The following P2RY12 variants were observed in gnomAD, a reference collection of about 807,000 sequenced individuals.
The protein encoded by P2RY12 is purinergic receptor P2Y12, also known as P2Y purinoceptor 12.
Under a neutral mutation model 4.5 loss-of-function variants are expected in P2RY12, and 3 were observed. The ratio of observed to expected loss-of-function variants is 0.67; its 90% CI spans 0.31 to 1.74. The LOEUF (loss-of-function observed/expected upper bound fraction) is 1.74. Ranked by LOEUF, P2RY12 falls within the 40% of genes most tolerant of loss-of-function variation. The probability of loss-of-function intolerance (pLI) is 0.09; values close to 1 mark genes in which losing one functional copy is unlikely to be tolerated. For missense variants in P2RY12, 356 were observed against 407.8 expected, an observed-to-expected ratio of 0.87 and a Z score of 1.09; for synonymous variants, 148 against 154.1, an observed-to-expected ratio of 0.96 and a Z score of 0.29.
chr3:151,349,924 G>A, intron 1 of P2RY12: 1 of 604,966 alleles, frequency 1.7e-6, no homozygotes, highest in Non-Finnish European at 2.7e-6. Context: ...TGGAGGTTGA[G>A]GTGAATTGAA....
intron 1 of P2RY12, chr3:151,350,339 T>C (rs1753066427): frequency 1.4e-5 from 10 of 726,448 alleles, no homozygotes; most frequent in East Asian, 2.9e-5. Flanking sequence ...CATTGAAATG[T>C]GAACAAGCAC....
intron 1 of P2RY12, chr3:151,368,019 G>C (rs1755502173): frequency 2.4e-6 from 2 of 841,854 alleles, no homozygotes; most frequent in East Asian, 5.4e-5. Context: ...AAAATAGCCA[G>C]GGCCTTATTT....
At chr3:151,360,148 T>A (rs1754432686) in intron 1 of P2RY12, among the ~76,000 whole-genome samples, 1 of 152,180 alleles carries the variant, frequency 6.6e-6, no homozygotes, top group Non-Finnish European at 1.5e-5. Context: ...GCAGGGGCTC[T>A]CTACAACAGT....
intron 1 of P2RY12, among the ~76,000 whole-genome samples, chr3:151,349,384 G>A (rs148608127): frequency 1.3e-5 from 2 of 152,250 alleles, no homozygotes; most frequent in Non-Finnish European, 2.9e-5. Flanking sequence ...ACACCTACAC[G>A]CTTTATTGTT....
intron 1 of P2RY12, among the ~76,000 whole-genome samples, chr3:151,347,997 A>G (rs1416753947): frequency 1.3e-5 from 2 of 152,172 alleles, no homozygotes; most frequent in African/African-American, 2.4e-5. Context: ...GGCTCTTTCT[A>G]GGATGCTTTC....
At chr3:151,367,915 A>C (rs530157135) in intron 1 of P2RY12, 1 of 1,005,800 alleles carries the variant, frequency 9.9e-7, no homozygotes, top group Non-Finnish European at 1.5e-6. Context: ...GAATTTTAAT[A>C]GTTATTTTAT....
intron 1 of P2RY12, among the ~76,000 whole-genome samples, chr3:151,363,904 G>A (rs1754946937): frequency 6.6e-6 from 1 of 152,108 alleles, no homozygotes; most frequent in African/African-American, 2.4e-5. Flanking sequence ...TAAAGCTATT[G>A]ACAGTGGCAA....
intron 1 of P2RY12, chr3:151,360,344 T>C (rs1303110327): frequency 9.1e-6 from 7 of 769,846 alleles, no homozygotes; most frequent in Non-Finnish European, 1.3e-5. Context: ...TACTATTCTA[T>C]TTATTAGTTT....
chr3:151,349,743 T>A (rs2150016032), intron 1 of P2RY12, among the ~76,000 whole-genome samples: 1 of 152,268 alleles, frequency 6.6e-6, no homozygotes, highest in African/African-American at 2.4e-5. Flanking sequence ...GATGTGAAAT[T>A]AATACCATGT....
intron 1 of P2RY12, among the ~76,000 whole-genome samples, chr3:151,375,557 AATG>A (rs1292186301): frequency 1.3e-5 from 2 of 152,208 alleles, no homozygotes; most frequent in African/African-American, 4.8e-5. Flanking sequence ...ACTCATTTAT[AATG>A]ATAACATTAT....
At chr3:151,380,112 GTAT>G in intron 1 of P2RY12, 1 of 1,561,314 alleles carries the variant, frequency 6.4e-7, no homozygotes, top group Admixed American at 2.0e-5. Flanking sequence ...TTCCTTTGTA[GTAT>G]GTCTCTTTTG....
intron 1 of P2RY12, among the ~76,000 whole-genome samples, chr3:151,375,406 G>A (rs1269263773): frequency 2.0e-5 from 3 of 152,052 alleles, no homozygotes. Context: ...AAAGGCAATA[G>A]GAGTTTAAAT....
chr3:151,365,200 C>T (rs1300523997), intron 1 of P2RY12: 1 of 1,612,204 alleles, frequency 6.2e-7, no homozygotes. Flanking sequence ...CATCAGGATG[C>T]TGGCAGGTGA....
At chr3:151,370,515 TGA>T (rs1756040701) in intron 1 of P2RY12, among the ~76,000 whole-genome samples, 1 of 152,184 alleles carries the variant, frequency 6.6e-6, no homozygotes, top group African/African-American at 2.4e-5. Context: ...CACGGGCCTG[TGA>T]ATTTTGTAGT....
At chr3:151,370,851 T>G (rs1437915070) in intron 1 of P2RY12, among the ~76,000 whole-genome samples, 1 of 152,200 alleles carries the variant, frequency 6.6e-6, no homozygotes, top group Non-Finnish European at 1.5e-5. Context: ...ATGAGTACCT[T>G]CTAGACACTG....
intron 1 of P2RY12, among the ~76,000 whole-genome samples, chr3:151,362,235 A>G (rs1264894747): frequency 6.6e-6 from 1 of 152,006 alleles, no homozygotes; most frequent in Non-Finnish European, 1.5e-5. Flanking sequence ...CATCCACTAA[A>G]GTGATCCTTT....
rs1560045498 is a variant in P2RY12 at position 151,338,034 on chromosome 3, G to GT, written c.811dup (p.Thr271AsnfsTer3). On this transcript the variant is annotated frameshift_variant, in exon 3 of 3. Coordinates refer to ENST00000302632, the MANE Select transcript of P2RY12 (RefSeq NM_022788.5). LOFTEE classifies it low-confidence loss of function (END_TRUNC). The stretch of plus-strand genomic sequence containing the variant: ...CACATAGAACAGAGTATTTTCAGCA[G>GT]TGCAGTCAAAGACATCCCGGGTTTG... 6.2e-7 allele frequency: 1 copy of GT among 1,614,108 alleles called. No homozygotes were observed. Among genetic ancestry groups the GT allele is most frequent in the East Asian group, 2.2e-5 (1 of 44,880 alleles).
chr3:151,374,490 G>C (rs1756582446), intron 1 of P2RY12, among the ~76,000 whole-genome samples: 1 of 152,214 alleles, frequency 6.6e-6, no homozygotes, highest in African/African-American at 2.4e-5. Flanking sequence ...GGAGGTTGCA[G>C]TGAGCCGAGA....
At chr3:151,347,673 CGGTGTG>C (rs1402654458) in intron 1 of P2RY12, among the ~76,000 whole-genome samples, 1 of 151,982 alleles carries the variant, frequency 6.6e-6, no homozygotes, top group Non-Finnish European at 1.5e-5. Context: ...TAAGGCAGTT[CGGTGTG>C]GGTGTGGGGG....
Sources: allele counts gnomAD v4.1 joint callset (sites outside exome capture counted in the v4.1 genomes callset), GRCh38; gene constraint gnomAD v4.1.1; transcripts MANE v1.5; gene names NCBI Gene and HGNC (gene_info 2026-07-23, HGNC 2026-07-21).